Variants in SLC26A11 observed in about 807,000 individuals in gnomAD.
SLC26A11 encodes the protein solute carrier family 26 member 11, also known as sodium-independent sulfate anion transporter.
Under a neutral mutation model 62.2 loss-of-function variants are expected in SLC26A11, and 58 were observed. The ratio of observed to expected loss-of-function variants is 0.93; its 90% CI spans 0.76 to 1.16. The LOEUF (loss-of-function observed/expected upper bound fraction) is 1.16, where lower values mean the gene tolerates loss of function less well. Ranked by LOEUF, SLC26A11 falls within the 50% of genes most tolerant of loss-of-function variation. SLC26A11 has a pLI of 0.00. For synonymous variants in SLC26A11, 411 were observed against 368.9 expected (o/e 1.11, Z -1.31); for missense variants, 790 against 794.3 (o/e 0.99, Z 0.06).
intron 15 of SLC26A11, among the ~76,000 whole-genome samples, 185 bp downstream of exon 15, chr17:80,248,859 G>A (rs1312609617): frequency 6.6e-6 from 1 of 152,172 alleles, no homozygotes; most frequent in Non-Finnish European, 1.5e-5. Flanking sequence ...CAAGGGTGGT[G>A]GCCCCCCACA....
chr17:80,241,817 C>T lies in SLC26A11; in HGVS notation c.1032C>T (p.Ala344=). The T allele has an allele frequency of 1.9e-6, 3 of 1,614,176 alleles. No individual in the cohort carries two copies. The Admixed American group carries it at 5.0e-5, about 27-fold the overall frequency. Residue 344 remains alanine, a synonymous_variant, in exon 10 of 18, where the codon GCC becomes GCT. Coordinates refer to ENST00000361193, the MANE Select transcript of SLC26A11 (RefSeq NM_001166347.2). Reference sequence around the variant, plus strand: ...TCGATGCCAACCAGGAGCTGCTGGCCATCGGTAAGACCCCAGCCGCGGGAA... The same window carrying T: ...TCGATGCCAACCAGGAGCTGCTGGCTATCGGTAAGACCCCAGCCGCGGGAA... ...YRIDANQELL[A]IGLTNMLGSL...
rs2042280288 is a variant in SLC26A11 at position 80,223,427 on chromosome 17, C to T, written c.513+90C>T. The T allele has an allele frequency of 1.6e-6, 2 of 1,235,884 alleles. No individual in the cohort carries two copies. The highest frequency in any genetic ancestry group is 2.5e-5 in the South Asian group (2 of 81,450). The allele number at this position is 1,235,884 out of a possible 1,614,324, so 76.6% of individuals were successfully genotyped here. On this transcript the variant is annotated intron_variant, in intron 5 of 17. Coordinates refer to ENST00000361193, the MANE Select transcript of SLC26A11 (RefSeq NM_001166347.2). The surrounding 1 kb of genome is among the most constrained non-coding windows in gnomAD (Gnocchi z 4.6). ...GAGCAGGACTGAGGCCAGTCCTGAT[C>T]CCTGTGGCCAGTGGACGTCTTGCTG...
chr17:80,243,013 G>T (rs1195086630), intron 10 of SLC26A11, among the ~76,000 whole-genome samples: 3 of 152,120 alleles, frequency 2.0e-5, no homozygotes, highest in Admixed American at 1.3e-4. Context: ...GGCCCAGTGT[G>T]AATCTTAAAT....
chr17:80,220,505 G>A lies in SLC26A11; in HGVS notation c.-214+9G>A, dbSNP rs1234190832. 2 of 486,884 alleles carry A rather than the reference G, an allele frequency of 4.1e-6. No individual in the cohort carries two copies. Among genetic ancestry groups the A allele is most frequent in the East Asian group, 3.6e-5 (1 of 27,674 alleles). 30.2% of individuals were successfully genotyped at this position (486,884 alleles called of 1,614,324 possible). A position where few individuals can be genotyped will look rare whatever the true frequency, so the allele number is the denominator to read the frequency against. ...GCTGCATCGCCGAGTGGGTGAGTCC[G>A]TGGCCCGCGAGGGCGGCGAGCGGGG... On this transcript the variant is annotated intron_variant, in intron 1 of 17. Coordinates refer to ENST00000361193, the MANE Select transcript of SLC26A11 (RefSeq NM_001166347.2).
At chr17:80,244,472 T>G (rs2042944303) in intron 10 of SLC26A11, among the ~76,000 whole-genome samples, 1 of 152,018 alleles carries the variant, frequency 6.6e-6, no homozygotes, top group Non-Finnish European at 1.5e-5. Context: ...TCCTGGGTGG[T>G]GAGATGCTCC....
chr17:80,227,993 C>G (rs1177484779), intron 7 of SLC26A11, 33 bp downstream of exon 7: 1 of 1,587,652 alleles, frequency 6.3e-7, no homozygotes, highest in East Asian at 2.3e-5. Context: ...CTTATGCAAC[C>G]TTGGCTGCAG....
intron 9 of SLC26A11, 27 bp from the exon 10 acceptor site, chr17:80,241,744 C>T (rs764397976): frequency 5.6e-6 from 9 of 1,611,974 alleles, no homozygotes; most frequent in Non-Finnish European, 7.6e-6. Context: ...TATTACTGAC[C>T]AGGTCTTTAC....
chr17:80,224,166 G>GGAGTGTGTGTGTGA (rs532335088), intron 5 of SLC26A11, among the ~76,000 whole-genome samples: 11 of 150,538 alleles, frequency 7.3e-5, no homozygotes, highest in African/African-American at 2.7e-4. Context: ...ACCAAGGACA[G>GGAGTGTGTGTGTGA]GAGAGTGTGT....
intron 9 of SLC26A11, among the ~76,000 whole-genome samples, chr17:80,239,459 G>A (rs879677985): frequency 6.7e-6 from 1 of 149,438 alleles, no homozygotes; most frequent in Non-Finnish European, 1.5e-5. Context: ...GCGTGATCTC[G>A]GCTCACTGCA....
chr17:80,251,331 C>G lies in SLC26A11; in HGVS notation c.1659C>G (p.Val553=), dbSNP rs771042696. 2.5e-6 allele frequency: 4 copies of G among 1,614,026 alleles called. No homozygotes were observed. Among genetic ancestry groups the G allele is most frequent in the Non-Finnish European group, 3.4e-6 (4 of 1,179,972 alleles). The change falls in exon 17 of 18, where the codon GTC becomes GTG. Residue 553 remains valine, a splice_region_variant and synonymous_variant. Coordinates refer to ENST00000361193, the MANE Select transcript of SLC26A11 (RefSeq NM_001166347.2). ...GVALAFVGLQ[V]PVLRVLLSAD... ...GCTAAAGTCTGTCTGTCTCTCAGGTCCCCGTTCTCCGTGTCCTGCTGTCCG... is the reference window on the plus strand; with the variant it reads ...GCTAAAGTCTGTCTGTCTCTCAGGTGCCCGTTCTCCGTGTCCTGCTGTCCG...
In SLC26A11 at chr17:80,228,734, G is replaced by A. The variant is rs1214800676; in HGVS notation, c.736+774G>A. ...CCGAGGTGGAGAAACACAGTCTACTGGCAGGTCCTGGGGAGACAGAACAAA... is the reference window on the plus strand; with the variant it reads ...CCGAGGTGGAGAAACACAGTCTACTAGCAGGTCCTGGGGAGACAGAACAAA... On this transcript the variant is annotated intron_variant, in intron 7 of 17. Transcript: ENST00000361193. The surrounding 1 kb of genome is among the most constrained non-coding windows in gnomAD (Gnocchi z 4.1). Among the ~76,000 whole-genome samples, 2 of 152,220 alleles carry A rather than the reference G, an allele frequency of 1.3e-5. No individual in the cohort carries two copies. Among genetic ancestry groups the A allele is most frequent in the Non-Finnish European group, 2.9e-5 (2 of 68,032 alleles).
chr17:80,243,212 G>C (rs759430364), intron 10 of SLC26A11, among the ~76,000 whole-genome samples: 3 of 152,118 alleles, frequency 2.0e-5, no homozygotes, highest in Non-Finnish European at 4.4e-5. Flanking sequence ...GGTCACAAAG[G>C]GACGTTGCCC....
intron 9 of SLC26A11, 115 bp from the exon 10 acceptor site, chr17:80,241,656 A>T (rs2042862895): frequency 9.2e-7 from 1 of 1,091,684 alleles, no homozygotes; most frequent in African/African-American, 1.5e-5. Context: ...GTATTCTTAG[A>T]TTTACAAAAC....
intron 9 of SLC26A11, among the ~76,000 whole-genome samples, chr17:80,238,322 C>T (rs867349281): frequency 2.0e-5 from 3 of 152,194 alleles, no homozygotes; most frequent in African/African-American, 4.8e-5. Context: ...CACTGCACTC[C>T]AGCCTGGGCA....
chr17:80,222,554 A>G lies in SLC26A11; in HGVS notation c.235-101A>G. On this transcript the variant is annotated intron_variant, in intron 3 of 17. Coordinates refer to ENST00000361193, the MANE Select transcript of SLC26A11 (RefSeq NM_001166347.2). This position sits in a 1 kb window ranked among gnomAD's most constrained non-coding sequence, Gnocchi z 4.7. ...CGGTGCACCTTTAACCTGGGCCTGGACACAGCTGACACCCACACATCCCGA... is the reference window on the plus strand; with the variant it reads ...CGGTGCACCTTTAACCTGGGCCTGGGCACAGCTGACACCCACACATCCCGA... 2 of 1,266,230 alleles carry G rather than the reference A, an allele frequency of 1.6e-6. No individual in the cohort carries two copies. Among genetic ancestry groups the G allele is most frequent in the South Asian group, 2.7e-5 (2 of 74,554 alleles). The allele number at this position is 1,266,230 out of a possible 1,614,324, so 78.4% of individuals were successfully genotyped here. A position where few individuals can be genotyped will look rare whatever the true frequency, so the allele number is the denominator to read the frequency against.
chr17:80,252,411 C>T lies in SLC26A11; in HGVS notation c.1730-214C>T, dbSNP rs2043179509. On this transcript the variant is annotated intron_variant, in intron 17 of 17. Transcript: ENST00000361193. The surrounding 1 kb of genome is among the most constrained non-coding windows in gnomAD (Gnocchi z 5.2). ...CGTGGGATGGGAGGGTACCCTGGAG[C>T]AGTAAGAAAGGGCCGTTAGTCACCT... 6.6e-6 allele frequency among the ~76,000 whole-genome samples: 1 copy of T among 151,986 alleles called. No homozygotes were observed. Among genetic ancestry groups the T allele is most frequent in the Non-Finnish European group, 1.5e-5 (1 of 67,996 alleles).
chr17:80,237,391 G>A (rs760242374), intron 8 of SLC26A11, 131 bp from the exon 9 acceptor site: 44 of 895,658 alleles, frequency 4.9e-5, no homozygotes, highest in Middle Eastern at 3.2e-4. Flanking sequence ...AGACAAGGAG[G>A]CGGATCCTGC....
intron 2 of SLC26A11, 23 bp from the exon 3 acceptor site, chr17:80,221,525 T>C: frequency 6.7e-7 from 1 of 1,491,770 alleles, no homozygotes; most frequent in Non-Finnish European, 9.0e-7. Context: ...TGACTGCTGG[T>C]CTGTGTCACC....
chr17:80,245,914 C>T (rs1420755021), intron 11 of SLC26A11, among the ~76,000 whole-genome samples: 2 of 152,208 alleles, frequency 1.3e-5, no homozygotes, highest in South Asian at 2.1e-4. Context: ...GAGACAGAGT[C>T]GGCAGGAACC....
Sources: gnomAD v4.1 joint callset for allele counts (sites outside exome capture counted in the v4.1 genomes callset) on GRCh38, gnomAD v4.1.1 for gene constraint, Gnocchi (gnomAD v3.1) non-coding constraint, MANE v1.5 for transcripts, NCBI Gene and HGNC (gene_info 2026-07-23, HGNC 2026-07-21) for gene names.